Variants in ABL2 observed in about 807,000 individuals in gnomAD.
ABL2 encodes the protein tyrosine-protein kinase ABL2.
Under a neutral mutation model 107.7 loss-of-function variants are expected in ABL2, and 49 were observed. That is an observed-to-expected ratio of 0.45 (90% CI 0.36 to 0.58). The LOEUF (loss-of-function observed/expected upper bound fraction) is 0.58, where lower values mean the gene tolerates loss of function less well. Among genes scored for constraint, ABL2 ranks in the 20% least tolerant of loss-of-function variants. The pLI is 0.00. For synonymous variants in ABL2, 549 were observed against 548.6 expected, an observed-to-expected ratio of 1.00 and a Z score of -0.01; for missense variants, 1,245 against 1,457.0, an observed-to-expected ratio of 0.85 and a Z score of 2.37.
At position 179,143,853 on chromosome 1, in the gene ABL2, C is replaced by T. The variant is rs180733554; in HGVS notation, c.158-10479G>A. ...CTGCGATTACAGGCGCCCGCCACCACGCCCAGCTAATTTTTTGTATTTTTA... is the reference window on the plus strand; with the variant it reads ...CTGCGATTACAGGCGCCCGCCACCATGCCCAGCTAATTTTTTGTATTTTTA... On this transcript the variant is annotated intron_variant, in intron 1 of 11. Coordinates refer to ENST00000502732, the MANE Select transcript of ABL2 (RefSeq NM_007314.4). 2.9e-3 allele frequency among the ~76,000 whole-genome samples: 444 copies of T among 152,018 alleles called. 2 individuals are homozygous for T. The highest frequency in any genetic ancestry group is 9.7e-3 in the African/African-American group (404 of 41,452).
At chr1:179,191,413 C>CTTTTTTTTTTTTTTTTTTTTTT (rs35362624) in intron 1 of ABL2, among the ~76,000 whole-genome samples, 1 of 77,168 alleles carries the variant, frequency 1.3e-5, no homozygotes, top group Non-Finnish European at 2.3e-5. Context: ...TATGAAATCC[C>CTTTTTTTTTTTTTTTTTTTTTT]TTTTTTTTTT....
chr1:179,178,401 CAAA>C (rs572438530), intron 1 of ABL2, among the ~76,000 whole-genome samples: 5 of 68,616 alleles, frequency 7.3e-5, no homozygotes, highest in African/African-American at 1.1e-4. Flanking sequence ...GACTCTGCCT[CAAA>C]AAAAAAAAAA....
chr1:179,223,909 C>A (rs890562792), intron 1 of ABL2, among the ~76,000 whole-genome samples: 3 of 147,910 alleles, frequency 2.0e-5, no homozygotes, highest in Admixed American at 6.9e-5. Context: ...AGGCAGATCA[C>A]TTGAGCCCAG....
intron 1 of ABL2, among the ~76,000 whole-genome samples, chr1:179,200,848 C>A (rs1418911283): frequency 6.6e-6 from 1 of 152,146 alleles, no homozygotes; most frequent in South Asian, 2.1e-4. Flanking sequence ...GAAAACCAGG[C>A]GCAAGTGTCC....
rs1254372376 is a variant in ABL2 at position 179,110,695 on chromosome 1, T to G, written c.1652-240A>C. On this transcript the variant is annotated intron_variant, in intron 10 of 11. Transcript: ENST00000502732. ...CATTGCTGTGTAGCATGCCAACGTG[T>G]GAATATACCACAATCCACCTGTTCT... 8 of 1,593,968 alleles carry G rather than the reference T, an allele frequency of 5.0e-6. No homozygotes were observed. In the African/African-American group the frequency reaches 9.4e-5, roughly 19 times the overall value.
intron 2 of ABL2, among the ~76,000 whole-genome samples, chr1:179,131,741 AC>A (rs1314696138): frequency 9.8e-5 from 15 of 152,366 alleles, no homozygotes; most frequent in African/African-American, 3.6e-4. Context: ...ATATGCACTC[AC>A]CAAAATCAGA....
Position 179,108,282 on chromosome 1 carries a change from A to C in ABL2, c.2985T>G (p.His995Gln), listed in dbSNP as rs775583969. 1.2e-6 allele frequency: 2 copies of C among 1,613,154 alleles called. No homozygotes were observed. ...PPPPVMRLLQ[H>Q]PSICSDPTEE... The stretch of plus-strand genomic sequence containing the variant: ...CTGTAGGGTCTGAGCAGATGGACGG[A>C]TGCTGCAGTAGTCTCATCACTGGTG... Residue 995 changes from histidine (H) to glutamine (Q), a missense_variant, in exon 12 of 12, where the codon CAT (histidine) becomes CAG (glutamine). Around this residue, in one of 3 missense-constraint regions of ABL2, gnomAD observed 761 missense variants for 766.4 expected, o/e 0.99. Coordinates refer to ENST00000502732, the MANE Select transcript of ABL2 (RefSeq NM_007314.4).
chr1:179,140,404 C>A (rs1297441149), intron 1 of ABL2, among the ~76,000 whole-genome samples: 1 of 152,224 alleles, frequency 6.6e-6, no homozygotes, highest in Non-Finnish European at 1.5e-5. Flanking sequence ...ACTCTCACAT[C>A]CCCCACTGAC....
At chr1:179,145,593 A>T (rs1251979994) in intron 1 of ABL2, among the ~76,000 whole-genome samples, 1 of 152,198 alleles carries the variant, frequency 6.6e-6, no homozygotes, top group Non-Finnish European at 1.5e-5. Flanking sequence ...ACTTTAATGA[A>T]CGTGACAAAC....
Position 179,108,300 on chromosome 1 carries a change from C to T in ABL2, c.2967G>A (p.Val989=). The T allele has an allele frequency of 6.2e-7, 1 of 1,614,066 alleles. No individual in the cohort carries two copies. The highest frequency in any genetic ancestry group is 8.5e-7 in the Non-Finnish European group (1 of 1,180,020). ...TGGACGGATGCTGCAGTAGTCTCAT[C>T]ACTGGTGGTGGGGGTGGGGCACACT... The part of the protein sequence containing the change: ...KPKCAPPPPP[V]MRLLQHPSIC... Residue 989 remains valine, a synonymous_variant, in exon 12 of 12, where the codon GTG becomes GTA. Transcript: ENST00000502732.
intron 5 of ABL2, among the ~76,000 whole-genome samples, 169 bp from the exon 6 acceptor site, chr1:179,120,443 T>C (rs1187494577): frequency 1.3e-5 from 2 of 152,204 alleles, no homozygotes; most frequent in Non-Finnish European, 2.9e-5. Context: ...TTAATTTATT[T>C]TTTTGAGACA....
At position 179,107,875 on chromosome 1, in the gene ABL2, C is replaced by T. The variant is rs746029416; in HGVS notation, c.3392G>A (p.Arg1131His). ...AGCCTCTCGGAAGGCAAATTTGTTG[C>T]GAGTTTGAGGGATGCAGTCCACATA... ...SGYVDCIPQT[R>H]NKFAFREAVS... Residue 1131 changes from arginine (R) to histidine (H), a missense_variant, in exon 12 of 12, where the codon CGC (arginine) becomes CAC (histidine). Arg to His is a conservative substitution (Grantham distance 29). This residue lies in a region of ABL2 where 761 missense variants were observed against 766.4 expected (regional missense o/e 0.99). Transcript: ENST00000502732. 9 of 1,614,170 alleles carry T rather than the reference C, an allele frequency of 5.6e-6. No homozygotes were observed. The East Asian group carries it at 6.7e-5, about 12-fold the overall frequency.
At chr1:179,131,231 A>G in intron 3 of ABL2, 80 bp downstream of exon 3, 2 of 1,478,806 alleles carry the variant, frequency 1.4e-6, no homozygotes, top group Non-Finnish European at 1.8e-6. Context: ...GGTGTGAGCC[A>G]CTGTGCCTGG....
In ABL2 at chr1:179,103,691, T is replaced by C. The variant is rs1272812787; in HGVS notation, c.*4027A>G. 4.4e-6 allele frequency: 1 copy of C among 226,402 alleles called. No individual in the cohort carries two copies. The highest frequency in any genetic ancestry group is 5.7e-5 in the Admixed American group (1 of 17,536). 14.0% of individuals were successfully genotyped at this position (226,402 alleles called of 1,614,324 possible). A position where few individuals can be genotyped will look rare whatever the true frequency, so the allele number is the denominator to read the frequency against. ...CCTTAAGGTCAAAGTGTCAGGAGCA[T>C]GTGCTTTAGAAAGTGTGCAGCACCA... is the stretch of plus-strand genomic sequence containing the variant. On this transcript the variant is annotated 3_prime_UTR_variant, in exon 12 of 12. Coordinates refer to ENST00000502732, the MANE Select transcript of ABL2 (RefSeq NM_007314.4).
chr1:179,133,480 A>G, intron 1 of ABL2, 106 bp from the exon 2 acceptor site: 1 of 1,575,036 alleles, frequency 6.3e-7, no homozygotes, highest in Non-Finnish European at 8.7e-7. Context: ...TTTCATGATC[A>G]GGTCTCTACC....
At chr1:179,168,551 A>G (rs750498223) in intron 1 of ABL2, among the ~76,000 whole-genome samples, 2 of 152,216 alleles carry the variant, frequency 1.3e-5, no homozygotes, top group African/African-American at 4.8e-5. Flanking sequence ...ACTTGTAGTG[A>G]AAAAGGTTTT....
chr1:179,118,821 CA>C, intron 6 of ABL2, 57 bp from the exon 7 acceptor site: 1 of 1,553,332 alleles, frequency 6.4e-7, no homozygotes, highest in Non-Finnish European at 8.8e-7. Flanking sequence ...CACTCCAAAC[CA>C]CTTTGGCCAA....
At chr1:179,169,470 C>A (rs951423621) in intron 1 of ABL2, among the ~76,000 whole-genome samples, 49 of 151,642 alleles carry the variant, frequency 3.2e-4, no homozygotes, top group Admixed American at 6.6e-5. Flanking sequence ...ATAGCATGAA[C>A]CCGGGAGGCA....
intron 4 of ABL2, among the ~76,000 whole-genome samples, chr1:179,124,582 C>CCTCAGCCTCCTGAGTAACTGGGATTAA (rs1453881475): frequency 7.5e-5 from 11 of 146,062 alleles, no homozygotes; most frequent in African/African-American, 2.8e-4. Context: ...AATTCTCCTG[C>CCTCAGCCTCCTGAGTAACTGGGATTAA]CTCAGCCTCC....
Sources: gnomAD v4.1 joint callset for allele counts (sites outside exome capture counted in the v4.1 genomes callset) on GRCh38, gnomAD v4.1.1 for gene constraint, gnomAD v4.1.1 regional missense constraint, MANE v1.5 for transcripts, NCBI Gene and HGNC (gene_info 2026-07-23, HGNC 2026-07-21) for gene names.